Variants in ARHGAP39 observed in about 807,000 individuals in gnomAD.
ARHGAP39 encodes the protein Rho GTPase activating protein 39, also known as rho GTPase-activating protein 39.
Under a neutral mutation model 106.9 loss-of-function variants are expected in ARHGAP39, and 44 were observed. That is an observed-to-expected ratio of 0.41 (90% CI 0.32 to 0.53). The LOEUF (loss-of-function observed/expected upper bound fraction) is 0.53, where lower values mean the gene tolerates loss of function less well. ARHGAP39 is among the 20% of genes least tolerant of loss of function. The pLI is 0.21. For missense variants in ARHGAP39, 1,496 were observed against 1,577.3 expected (o/e 0.95, Z 0.87); for synonymous variants, 768 against 693.2 (o/e 1.11, Z -1.69).
In ARHGAP39 at chr8:144,546,095, G is replaced by A. The variant is rs544865736; in HGVS notation, c.1960-285C>T. Among the ~76,000 whole-genome samples, 13 of 152,312 alleles carry A rather than the reference G, an allele frequency of 8.5e-5. No individual in the cohort carries two copies. The East Asian group carries it at 1.7e-3, about 20-fold the overall frequency. Reference sequence around the variant, plus strand: ...CTGGCTGAGGGTGAGGCGGGAGGAAGGGGAGCATCCGCTGGCACCCCCAGG... The same window carrying A: ...CTGGCTGAGGGTGAGGCGGGAGGAAAGGGAGCATCCGCTGGCACCCCCAGG... On this transcript the variant is annotated intron_variant, in intron 5 of 11. Coordinates refer to ENST00000377307, the MANE Select transcript of ARHGAP39 (RefSeq NM_025251.3).
chr8:144,617,350 C>T (rs553736659), intron 1 of ARHGAP39, among the ~76,000 whole-genome samples: 8 of 152,232 alleles, frequency 5.3e-5, no homozygotes, highest in South Asian at 4.2e-4. Flanking sequence ...GCGGGACAAG[C>T]GGCGCAGCAC....
chr8:144,637,063 T>C (rs2130984281), intron 1 of ARHGAP39, among the ~76,000 whole-genome samples: 1 of 152,364 alleles, frequency 6.6e-6, no homozygotes, highest in African/African-American at 2.4e-5. Context: ...TTTGTACCAG[T>C]CTGTTTTCAC....
At chr8:144,688,850 C>T (rs1324470943), upstream of ARHGAP39, among the ~76,000 whole-genome samples, 2 of 152,118 alleles carry the variant, frequency 1.3e-5, no homozygotes, top group African/African-American at 4.8e-5. Flanking sequence ...AATCTTAATT[C>T]CAGCAAGATT....
At chr8:144,570,709 G>C (rs1360763769) in intron 3 of ARHGAP39, among the ~76,000 whole-genome samples, 1 of 152,060 alleles carries the variant, frequency 6.6e-6, no homozygotes, top group Non-Finnish European at 1.5e-5. Flanking sequence ...AGGTTGAAAA[G>C]ATCAACAAAA....
intron 2 of ARHGAP39, among the ~76,000 whole-genome samples, chr8:144,601,702 GGT>G (rs551174454): frequency 1.3e-3 from 178 of 138,198 alleles, no homozygotes; most frequent in African/African-American, 4.4e-3. Flanking sequence ...GCATGTGTGT[GGT>G]GTGTGTGTGA....
Position 144,580,834 on chromosome 8 carries a change from C to G in ARHGAP39, c.512+12G>C. 6.5e-7 allele frequency: 1 copy of G among 1,533,808 alleles called. No homozygotes were observed. Among genetic ancestry groups the G allele is most frequent in the Non-Finnish European group, 8.7e-7 (1 of 1,147,804 alleles). On this transcript the variant is annotated intron_variant, in intron 3 of 11. Transcript: ENST00000377307. ...ACCTGGCCCCGCCCATAGCAGCTGCCCCCGCCCTCACCTGCCGCTGTCCTC... is the reference window on the plus strand; with the variant it reads ...ACCTGGCCCCGCCCATAGCAGCTGCGCCCGCCCTCACCTGCCGCTGTCCTC...
At chr8:144,574,628 T>A (rs1451723741) in intron 3 of ARHGAP39, among the ~76,000 whole-genome samples, 3 of 152,120 alleles carry the variant, frequency 2.0e-5, no homozygotes, top group Non-Finnish European at 4.4e-5. Context: ...AAGCTGAGAT[T>A]GCGGCACTGC....
chr8:144,540,606 G>A (rs548356176), intron 6 of ARHGAP39, among the ~76,000 whole-genome samples: 6 of 152,200 alleles, frequency 3.9e-5, no homozygotes, highest in Non-Finnish European at 8.8e-5. Flanking sequence ...TTCGAGATCA[G>A]CCTGGCCAAC....
chr8:144,577,273 C>T (rs1586571438), intron 3 of ARHGAP39, among the ~76,000 whole-genome samples: 2 of 152,270 alleles, frequency 1.3e-5, no homozygotes, highest in East Asian at 3.9e-4. Context: ...AATACACGCT[C>T]AGGGCCGGTT....
At chr8:144,531,264 G>GGAATGGGCTAGACATAGCAGGCACGGCA (rs1816711221) in intron 10 of ARHGAP39, among the ~76,000 whole-genome samples, 1 of 90,890 alleles carries the variant, frequency 1.1e-5, no homozygotes, top group African/African-American at 4.0e-5. Flanking sequence ...CAGCAGGTGG[G>GGAATGGGCTAGACATAGCAGGCACGGCA]GAGTGGGCTA....
intron 2 of ARHGAP39, among the ~76,000 whole-genome samples, chr8:144,600,003 G>A (rs554286155): frequency 1.4e-4 from 22 of 152,350 alleles, no homozygotes; most frequent in Admixed American, 1.2e-3. Flanking sequence ...CTGGGGCACC[G>A]TGTGTGCTCA....
At chr8:144,609,159 T>G (rs975386017) in intron 1 of ARHGAP39, among the ~76,000 whole-genome samples, 1 of 152,244 alleles carries the variant, frequency 6.6e-6, no homozygotes, top group African/African-American at 2.4e-5. Context: ...CTTTTACCAT[T>G]AAGTATGATG....
Position 144,547,178 on chromosome 8 carries a change from G to A in ARHGAP39, c.1908C>T (p.Val636=), listed in dbSNP as rs761722164. The A allele has an allele frequency of 6.2e-5, 100 of 1,611,822 alleles. No homozygotes were observed. The highest frequency in any genetic ancestry group is 8.0e-5 in the Non-Finnish European group (94 of 1,179,510). Residue 636 remains valine (V), a synonymous_variant, in exon 5 of 12, where the codon GTC becomes GTT. Coordinates refer to ENST00000377307, the MANE Select transcript of ARHGAP39 (RefSeq NM_025251.3). This position sits in a 1 kb window ranked among gnomAD's most constrained non-coding sequence, Gnocchi z 5.2. ...GTGAGGCCAGGTTGGTCTGCACGGA[G>A]ACGCTCTTCTCCAGCAGGATCTGGG... ...GFPQILLEKS[V]SVQTNLASPE... is the part of the protein sequence containing the mutation.
chr8:144,533,083 T>G (rs2620641), intron 9 of ARHGAP39, 43 bp downstream of exon 9: 1 of 1,574,586 alleles, frequency 6.4e-7, no homozygotes, highest in Non-Finnish European at 8.6e-7. Flanking sequence ...GGTGGACACA[T>G]GGCTGTGGCC....
intron 1 of ARHGAP39, among the ~76,000 whole-genome samples, chr8:144,620,256 T>C (rs1183792437): frequency 6.9e-6 from 1 of 144,082 alleles, no homozygotes; most frequent in Non-Finnish European, 1.5e-5. Flanking sequence ...AGCCTGTGTG[T>C]CCAAGGGAGC....
At chr8:144,652,759 G>A (rs1821604208) in intron 1 of ARHGAP39, among the ~76,000 whole-genome samples, 1 of 152,100 alleles carries the variant, frequency 6.6e-6, no homozygotes, top group Non-Finnish European at 1.5e-5. Context: ...GTCTACCTGA[G>A]GGTGGAGGGT....
chr8:144,567,922 C>T (rs1411881226), intron 3 of ARHGAP39, among the ~76,000 whole-genome samples: 4 of 152,150 alleles, frequency 2.6e-5, no homozygotes, highest in African/African-American at 7.2e-5. Context: ...GGGCCACTAC[C>T]GGTCTCCATG....
upstream of ARHGAP39, among the ~76,000 whole-genome samples, chr8:144,686,543 G>T (rs900568961): frequency 3.9e-5 from 6 of 152,136 alleles, no homozygotes; most frequent in Admixed American, 3.9e-4. Context: ...CATTCCCTGG[G>T]TCCTCAACTG....
intron 2 of ARHGAP39, among the ~76,000 whole-genome samples, chr8:144,601,232 G>A (rs568305763): frequency 1.4e-5 from 2 of 141,262 alleles, no homozygotes; most frequent in Non-Finnish European, 3.1e-5. Flanking sequence ...GCAAGCTCAT[G>A]TACCTGTGTG....
Sources: gnomAD v4.1 joint callset for allele counts (sites outside exome capture counted in the v4.1 genomes callset) on GRCh38, gnomAD v4.1.1 for gene constraint, Gnocchi (gnomAD v3.1) non-coding constraint, MANE v1.5 for transcripts, NCBI Gene and HGNC (gene_info 2026-07-23, HGNC 2026-07-21) for gene names.